The following ENG variants were observed in gnomAD, a reference collection of about 807,000 sequenced individuals.
ENG encodes endoglin.
ENG carries 17 observed loss-of-function variants against 71.0 expected under a neutral mutation model. That is an observed-to-expected ratio of 0.24 (90% confidence interval 0.16 to 0.36). The LOEUF (loss-of-function observed/expected upper bound fraction) is 0.36, where lower values mean the gene tolerates loss of function less well. ENG is among the 10% of genes least tolerant of loss of function. The probability of loss-of-function intolerance (pLI) is 1.00; values close to 1 mark genes in which losing one functional copy is unlikely to be tolerated. For missense variants in ENG, 749 were observed against 868.3 expected, an observed-to-expected ratio of 0.86 and a Z score of 1.73; for synonymous variants, 360 against 366.9, an observed-to-expected ratio of 0.98 and a Z score of 0.21.
At chr9:127,850,183 G>T (rs1020904248) in intron 1 of ENG, among the ~76,000 whole-genome samples, 1 of 152,214 alleles carries the variant, frequency 6.6e-6, no homozygotes, top group Admixed American at 6.5e-5. Context: ...GGTCACAAAA[G>T]TTGTGGGGAA....
At chr9:127,843,734 TAC>T (rs200942176) in intron 1 of ENG, among the ~76,000 whole-genome samples, 1,116 of 8,924 alleles carry the variant, frequency 0.13, 75 homozygotes, top group African/African-American at 0.19. Context: ...CACATCCACA[TAC>T]ATATATATAT....
At chr9:127,815,874 G>C in intron 14 of ENG, 68 bp from the exon 15 acceptor site, 1 of 1,559,870 alleles carries the variant, frequency 6.4e-7, no homozygotes, top group Non-Finnish European at 8.7e-7. Flanking sequence ...TCCCTCAGAG[G>C]CTTCACTGGG....
At position 127,826,572 on chromosome 9, in the gene ENG, C is replaced by A; in HGVS notation, c.461G>T (p.Gly154Val). The A allele has an allele frequency of 6.2e-7, 1 of 1,614,046 alleles. No individual in the cohort carries two copies. The highest frequency in any genetic ancestry group is 8.5e-7 in the Non-Finnish European group (1 of 1,180,000). ...CAGCTCAGCAGCAGAGGTGATGGGGCCCCTCTCAGCTGCCCACTCAAGGAT... is the reference window on the plus strand; with the variant it reads ...CAGCTCAGCAGCAGAGGTGATGGGGACCCTCTCAGCTGCCCACTCAAGGAT... Reference protein sequence around the residue: ...TQILEWAAERGPITSAAELND... With the variant: ...TQILEWAAERVPITSAAELND... Residue 154 changes from glycine (G) to valine (V), a missense_variant, in exon 4 of 15, where the codon GGC (glycine) becomes GTC (valine). Transcript: ENST00000373203.
At chr9:127,826,336 T>G (rs1312086753) in intron 4 of ENG, among the ~76,000 whole-genome samples, 174 bp downstream of exon 4, 2 of 152,156 alleles carry the variant, frequency 1.3e-5, no homozygotes, top group East Asian at 3.9e-4. Flanking sequence ...CAATCTGATA[T>G]TTGGTGGAGG....
intron 1 of ENG, among the ~76,000 whole-genome samples, chr9:127,852,536 G>C (rs774212776): frequency 6.6e-6 from 1 of 152,074 alleles, no homozygotes; most frequent in Admixed American, 6.6e-5. Flanking sequence ...AGGAACAGAC[G>C]GATACGTTTC....
In ENG at chr9:127,815,268, T is replaced by G. The variant is rs1324121218; in HGVS notation, c.*414A>C. ...CCGCAGGGATAGATCCAGGTGGCTCTGGGCTGGGCCCTCTTCTCTTCCCAG... is the reference window on the plus strand; with the variant it reads ...CCGCAGGGATAGATCCAGGTGGCTCGGGGCTGGGCCCTCTTCTCTTCCCAG... On this transcript the variant is annotated 3_prime_UTR_variant, in exon 15 of 15. Transcript: ENST00000373203. The G allele has an allele frequency of 1.0e-5, 2 of 191,852 alleles. No individual in the cohort carries two copies. Among genetic ancestry groups the G allele is most frequent in the African/African-American group, 4.7e-5 (2 of 42,482 alleles). The allele number at this position is 191,852 out of a possible 1,614,324, so 11.9% of individuals were successfully genotyped here.
chr9:127,823,948 T>C (rs896387388), intron 8 of ENG, among the ~76,000 whole-genome samples: 1 of 152,256 alleles, frequency 6.6e-6, no homozygotes, highest in Middle Eastern at 3.4e-3. Flanking sequence ...CCCAAAGTGC[T>C]GAGATTACAG....
At chr9:127,830,329 G>A (rs1830733726) in intron 2 of ENG, among the ~76,000 whole-genome samples, 1 of 136,834 alleles carries the variant, frequency 7.3e-6, no homozygotes, top group Non-Finnish European at 1.5e-5. Flanking sequence ...GCAACAGAGT[G>A]AGACTCCATC....
intron 1 of ENG, among the ~76,000 whole-genome samples, chr9:127,850,345 G>A (rs987462225): frequency 2.4e-4 from 36 of 152,352 alleles, no homozygotes; most frequent in African/African-American, 8.4e-4. Context: ...AGAGGTGGCC[G>A]CCTCACTCTT....
At chr9:127,821,935 A>C (rs1376836294) in intron 8 of ENG, among the ~76,000 whole-genome samples, 1 of 151,142 alleles carries the variant, frequency 6.6e-6, no homozygotes, top group African/African-American at 2.4e-5. Flanking sequence ...CTGTATTCCC[A>C]ACTACTCAGG....
At chr9:127,852,463 TG>T (rs1829051481) in intron 1 of ENG, among the ~76,000 whole-genome samples, 2 of 152,216 alleles carry the variant, frequency 1.3e-5, no homozygotes, top group Non-Finnish European at 2.9e-5. Flanking sequence ...GTTGGGTTGA[TG>T]GTCTGTTGTA....
rs373566456 is a variant in ENG, at chr9:127,820,840, AT to A, written c.1135-804del. ...CGAGACTCCGTCTCAAAAAAAAAAA[AT>A]ATATATATATATATTCCTTCAAGTT... On this transcript the variant is annotated intron_variant, in intron 8 of 14. Coordinates refer to ENST00000373203, the MANE Select transcript of ENG (RefSeq NM_001114753.3). Among the ~76,000 whole-genome samples the A allele has an allele frequency of 1.1e-3, 148 of 139,308 alleles. 1 individual carries two copies. Among genetic ancestry groups the A allele is most frequent in the African/African-American group, 3.4e-3 (133 of 38,978 alleles). The allele number at this position is 139,308 out of a possible 152,430, so 91.4% of individuals were successfully genotyped here.
At position 127,838,387 on chromosome 9, in the gene ENG, G is replaced by T. The variant is rs1036234022; in HGVS notation, c.219+4707C>A. The stretch of plus-strand genomic sequence containing the variant: ...ACTGCTTCCCCCAAGCCCAGGCAGG[G>T]GTCCCCTTTGCCCAAGTCTGAGGGC... On this transcript the variant is annotated intron_variant, in intron 2 of 14. Coordinates refer to ENST00000373203, the MANE Select transcript of ENG (RefSeq NM_001114753.3). This position sits in a 1 kb window ranked among gnomAD's most constrained non-coding sequence, Gnocchi z 4.3. Among the ~76,000 whole-genome samples, 7 of 152,112 alleles carry T rather than the reference G, an allele frequency of 4.6e-5. No homozygotes were observed. Among genetic ancestry groups the T allele is most frequent in the African/African-American group, 1.7e-4 (7 of 41,414 alleles).
Position 127,830,583 on chromosome 9 carries a change from G to A in ENG, c.220-756C>T, listed in dbSNP as rs558659754. Among the ~76,000 whole-genome samples the A allele has an allele frequency of 7.2e-5, 11 of 151,810 alleles. No individual in the cohort carries two copies. The East Asian group carries it at 2.1e-3, about 29-fold the overall frequency. On this transcript the variant is annotated intron_variant, in intron 2 of 14. Transcript: ENST00000373203. ...AATCTCTTGAACCCAGGAGGTAGAG[G>A]TTGCAGTGAGCTGAGATTGCGCTAT... is the stretch of plus-strand genomic sequence containing the variant.
In ENG at chr9:127,836,570, C is replaced by T. The variant is rs577703200; in HGVS notation, c.219+6524G>A. ...TCCACCCCAGAAAACTCAGATGGTC[C>T]TACAGGCAGGGTGGCAGGGGAAAGG... On this transcript the variant is annotated intron_variant, in intron 2 of 14. Transcript: ENST00000373203. The surrounding 1 kb of genome is among the most constrained non-coding windows in gnomAD (Gnocchi z 4.0). 3.3e-5 allele frequency among the ~76,000 whole-genome samples: 5 copies of T among 152,362 alleles called. No individual in the cohort carries two copies. In the South Asian group the frequency reaches 8.3e-4, roughly 25 times the overall value.
chr9:127,848,671 GGGTGTCCTT>G (rs1456086999), intron 1 of ENG, among the ~76,000 whole-genome samples: 1 of 152,148 alleles, frequency 6.6e-6, no homozygotes, highest in East Asian at 1.9e-4. Flanking sequence ...ATCCGTCCTT[GGGTGTCCTT>G]GGAGAACCAG....
At chr9:127,837,774 GCATCCATCCATCCATCCATC>G (rs5900769) in intron 2 of ENG, among the ~76,000 whole-genome samples, 1 of 112,922 alleles carries the variant, frequency 8.9e-6, no homozygotes, top group Non-Finnish European at 1.8e-5. Flanking sequence ...ATGCATGAAT[GCATCCATCCATCCATCCATC>G]CATCCATCCA....
intron 1 of ENG, among the ~76,000 whole-genome samples, chr9:127,847,809 C>T (rs1213497275): frequency 1.3e-5 from 2 of 152,174 alleles, no homozygotes; most frequent in African/African-American, 4.8e-5. Flanking sequence ...GGCCCAATTA[C>T]AGCCTCACAG....
In ENG at chr9:127,824,512, CTTTTTTT is replaced by C. The variant is rs71380096; in HGVS notation, c.992-73_992-67del. ...GTGATCACTGTGTGCCCGCACCAGG[CTTTTTTT>C]TTTTTTTTTTTTTTTTTGAGACGGA... On this transcript the variant is annotated intron_variant, in intron 7 of 14. Transcript: ENST00000373203. 3,661 of 685,634 alleles carry C rather than the reference CTTTTTTT, an allele frequency of 5.3e-3. 60 individuals are homozygous for C. In the African/African-American group the frequency reaches 0.094, roughly 18 times the overall value. 42.5% of individuals were successfully genotyped at this position (685,634 alleles called of 1,614,324 possible). A position where few individuals can be genotyped will look rare whatever the true frequency, so the allele number is the denominator to read the frequency against.
Sources: allele counts gnomAD v4.1 joint callset (sites outside exome capture counted in the v4.1 genomes callset), GRCh38; gene constraint gnomAD v4.1.1; non-coding constraint Gnocchi (gnomAD v3.1); transcripts MANE v1.5; gene names NCBI Gene and HGNC (gene_info 2026-07-23, HGNC 2026-07-21).